SCLT1: variants seen among roughly 807,000 people sequenced by gnomAD.
The protein encoded by SCLT1 is sodium channel-associated protein 1.
In SCLT1, 78 loss-of-function variants were observed where a neutral mutation model predicts 112.8. That is an observed-to-expected ratio of 0.69 (90% confidence interval 0.58 to 0.83). The LOEUF is 0.83. Among genes scored for constraint, SCLT1 ranks in the 40% least tolerant of loss-of-function variants. The probability of loss-of-function intolerance (pLI) is 0.00; values close to 1 mark genes in which losing one functional copy is unlikely to be tolerated. For synonymous variants in SCLT1, 257 were observed against 254.7 expected (o/e 1.01, Z -0.09); for missense variants, 747 against 770.4 (o/e 0.97, Z 0.36).
intron 2 of SCLT1, among the ~76,000 whole-genome samples, chr4:129,081,750 C>T (rs1751957920): frequency 6.6e-6 from 1 of 152,142 alleles, no homozygotes; most frequent in Non-Finnish European, 1.5e-5. Flanking sequence ...AGATTAAGTT[C>T]TAATTATAAA....
intron 2 of SCLT1, among the ~76,000 whole-genome samples, chr4:129,077,473 T>TTTCACA (rs1289388343): frequency 6.6e-6 from 1 of 152,152 alleles, no homozygotes; most frequent in Non-Finnish European, 1.5e-5. Context: ...CTCCATGACT[T>TTTCACA]TCACTATATT....
chr4:129,080,617 C>G (rs1267429247), intron 2 of SCLT1, among the ~76,000 whole-genome samples: 1 of 152,192 alleles, frequency 6.6e-6, no homozygotes, highest in Non-Finnish European at 1.5e-5. Context: ...TGGTCACAAC[C>G]ATTCAACAAG....
intron 5 of SCLT1, among the ~76,000 whole-genome samples, chr4:129,025,935 G>A (rs1490095212): frequency 1.3e-5 from 2 of 151,930 alleles, no homozygotes; most frequent in Non-Finnish European, 2.9e-5. Flanking sequence ...AACCAACAAA[G>A]ATCAAAAGAG....
At chr4:128,899,545 A>G (rs1352965373) in intron 18 of SCLT1, among the ~76,000 whole-genome samples, 1 of 152,238 alleles carries the variant, frequency 6.6e-6, no homozygotes, top group African/African-American at 2.4e-5. Context: ...AGAGCTATCT[A>G]TGACAAACCC....
chr4:128,910,390 G>A (rs1156615661), intron 18 of SCLT1, among the ~76,000 whole-genome samples: 1 of 152,156 alleles, frequency 6.6e-6, no homozygotes, highest in Non-Finnish European at 1.5e-5. Flanking sequence ...GATTTGCATC[G>A]ATACTTTTGT....
At chr4:128,967,019 A>G (rs756131823) in intron 10 of SCLT1, among the ~76,000 whole-genome samples, 1 of 151,878 alleles carries the variant, frequency 6.6e-6, no homozygotes, top group Non-Finnish European at 1.5e-5. Flanking sequence ...CCCATCCCCT[A>G]CCCTCCAGTA....
intron 2 of SCLT1, among the ~76,000 whole-genome samples, chr4:129,082,066 T>A (rs1420257522): frequency 6.6e-6 from 1 of 152,226 alleles, no homozygotes; most frequent in Non-Finnish European, 1.5e-5. Flanking sequence ...AATTTTAGGA[T>A]GTTTCAGAAC....
At chr4:128,907,443 T>C (rs1734774933) in intron 18 of SCLT1, among the ~76,000 whole-genome samples, 1 of 152,172 alleles carries the variant, frequency 6.6e-6, no homozygotes, top group Admixed American at 6.5e-5. Context: ...CACTGGGGTT[T>C]GGGTTATGAG....
intron 9 of SCLT1, among the ~76,000 whole-genome samples, chr4:128,983,015 A>G (rs1383279070): frequency 6.6e-6 from 1 of 151,916 alleles, no homozygotes; most frequent in Admixed American, 6.6e-5. Context: ...CAGCTTCCCT[A>G]GTAGCTGGGA....
chr4:128,898,614 C>G (rs546336289), intron 18 of SCLT1, among the ~76,000 whole-genome samples: 9 of 152,246 alleles, frequency 5.9e-5, no homozygotes, highest in Admixed American at 5.2e-4. Context: ...ATTAAAAGAA[C>G]TAGAGAAGCA....
chr4:128,949,428 T>C (rs1738499546), intron 14 of SCLT1, among the ~76,000 whole-genome samples: 1 of 151,896 alleles, frequency 6.6e-6, no homozygotes, highest in Non-Finnish European at 1.5e-5. Flanking sequence ...GTGCACAACG[T>C]GAAGGTTTGT....
chr4:129,079,615 C>A (rs1177777209), intron 2 of SCLT1, among the ~76,000 whole-genome samples: 2 of 152,216 alleles, frequency 1.3e-5, no homozygotes, highest in Admixed American at 6.5e-5. Flanking sequence ...CTTTCACAGT[C>A]TGGCATTGAG....
At chr4:129,005,392 G>A (rs997656899) in intron 5 of SCLT1, among the ~76,000 whole-genome samples, 7 of 152,018 alleles carry the variant, frequency 4.6e-5, no homozygotes, top group Non-Finnish European at 8.8e-5. Flanking sequence ...TCTTTGTTAC[G>A]CAGCCAAAAG....
At chr4:128,939,858 A>G (rs6840358) in intron 17 of SCLT1, among the ~76,000 whole-genome samples, 116,236 of 152,030 alleles carry the variant, frequency 0.76, 45,442 homozygotes, top group African/African-American at 0.94. Flanking sequence ...CTTTTGCAAG[A>G]GGGAGAAAAA....
intron 9 of SCLT1, among the ~76,000 whole-genome samples, chr4:128,976,147 C>A (rs181356526): frequency 6.6e-6 from 1 of 152,070 alleles, no homozygotes; most frequent in Non-Finnish European, 1.5e-5. Context: ...TTTGTGTGTA[C>A]GAAAGTGAGC....
In SCLT1 at chr4:128,948,690, T is replaced by C. The variant is rs60003121; in HGVS notation, c.1219-120A>G. The C allele has an allele frequency of 2.4e-3, 1,687 of 711,902 alleles. 12 individuals carry two copies. The highest frequency in any genetic ancestry group is 0.019 in the African/African-American group (1,065 of 55,126). The allele number at this position is 711,902 out of a possible 1,614,324, so 44.1% of individuals were successfully genotyped here. On this transcript the variant is annotated intron_variant, in intron 14 of 20. Coordinates refer to ENST00000281142, the MANE Select transcript of SCLT1 (RefSeq NM_144643.4). ...AGTTATCAACACAAGTTTAAGGTTATATTGATTAAAAACAAAACAAAACTC... is the reference window on the plus strand; with the variant it reads ...AGTTATCAACACAAGTTTAAGGTTACATTGATTAAAAACAAAACAAAACTC...
chr4:129,084,636 A>G (rs1414942954), intron 1 of SCLT1, among the ~76,000 whole-genome samples: 3 of 152,204 alleles, frequency 2.0e-5, no homozygotes, highest in Admixed American at 6.5e-5. Context: ...ACAGGGCCAC[A>G]GTAACCAAAA....
chr4:128,981,949 T>C (rs1741696121), intron 9 of SCLT1, among the ~76,000 whole-genome samples: 1 of 152,114 alleles, frequency 6.6e-6, no homozygotes, highest in Admixed American at 6.5e-5. Flanking sequence ...AAGATCACTT[T>C]GATAACAGTA....
intron 4 of SCLT1, among the ~76,000 whole-genome samples, chr4:128,875,525 G>A (rs999656348): frequency 3.3e-5 from 5 of 152,152 alleles, no homozygotes; most frequent in African/African-American, 1.2e-4. Flanking sequence ...AGAGAGAACT[G>A]TATTTAAAGG....
Sources: allele counts gnomAD v4.1 joint callset (sites outside exome capture counted in the v4.1 genomes callset), GRCh38; gene constraint gnomAD v4.1.1; transcripts MANE v1.5; gene names NCBI Gene and HGNC (gene_info 2026-07-23, HGNC 2026-07-21).